KCNH8: variants seen among roughly 807,000 people sequenced by gnomAD.
KCNH8 encodes the protein voltage-gated delayed rectifier potassium channel KCNH8.
In KCNH8, 70 loss-of-function variants were observed where a neutral mutation model predicts 103.6. That is an observed-to-expected ratio of 0.68 (90% CI 0.56 to 0.82). The LOEUF (loss-of-function observed/expected upper bound fraction) is 0.82, where lower values mean the gene tolerates loss of function less well. Ranked by LOEUF, KCNH8 falls within the 40% of genes least tolerant of loss-of-function variation. The pLI is 0.00. For synonymous variants in KCNH8, 498 were observed against 489.4 expected, an observed-to-expected ratio of 1.02 and a Z score of -0.23; for missense variants, 1,217 against 1,329.9, an observed-to-expected ratio of 0.92 and a Z score of 1.32.
At chr3:19,388,695 C>A (rs920623326) in intron 5 of KCNH8, among the ~76,000 whole-genome samples, 2 of 152,024 alleles carry the variant, frequency 1.3e-5, no homozygotes, top group Non-Finnish European at 2.9e-5. Context: ...ACTAGAACAA[C>A]AATTGTTTTC....
chr3:19,159,577 C>A (rs2063214646), intron 1 of KCNH8, among the ~76,000 whole-genome samples: 1 of 151,996 alleles, frequency 6.6e-6, no homozygotes, highest in Non-Finnish European at 1.5e-5. Context: ...GTTGGCAGAT[C>A]TCCAGTTCTT....
At chr3:19,337,279 A>C (rs1216538311) in intron 3 of KCNH8, among the ~76,000 whole-genome samples, 1 of 152,126 alleles carries the variant, frequency 6.6e-6, no homozygotes. Context: ...AGTATTAAAA[A>C]AGAACCAAGA....
At chr3:19,526,845 G>A (rs554948822) in intron 15 of KCNH8, among the ~76,000 whole-genome samples, 16 of 152,008 alleles carry the variant, frequency 1.1e-4, no homozygotes, top group Admixed American at 3.3e-4. Flanking sequence ...ATAACAAAAA[G>A]TCATAAGAAA....
rs557858714 is a variant in KCNH8 at position 19,429,876 on chromosome 3, G to A, written c.1178-8288G>A. ...AAGATAATAGCCTCCAGCTCCATCC[G>A]TGTTCCCACAAGACTTGATCTTGTT... On this transcript the variant is annotated intron_variant, in intron 7 of 15. Coordinates refer to ENST00000328405, the MANE Select transcript of KCNH8 (RefSeq NM_144633.3). Among the ~76,000 whole-genome samples, 14 of 152,150 alleles carry A rather than the reference G, an allele frequency of 9.2e-5. No individual in the cohort carries two copies. The South Asian group carries it at 2.1e-3, about 23-fold the overall frequency.
intron 7 of KCNH8, among the ~76,000 whole-genome samples, chr3:19,432,019 A>AT (rs2125166730): frequency 1.6e-5 from 1 of 62,788 alleles, no homozygotes; most frequent in South Asian, 3.5e-4. Context: ...GATTTTTGTT[A>AT]TTTTTTAACT....
intron 3 of KCNH8, among the ~76,000 whole-genome samples, chr3:19,320,997 G>A (rs568735467): frequency 2.0e-5 from 3 of 151,904 alleles, no homozygotes; most frequent in Non-Finnish European, 4.4e-5. Flanking sequence ...AGCCTTGAAT[G>A]ATCTTTTGAA....
chr3:19,221,247 A>C (rs1029709177), intron 1 of KCNH8, among the ~76,000 whole-genome samples: 3 of 152,202 alleles, frequency 2.0e-5, no homozygotes, highest in Non-Finnish European at 4.4e-5. Flanking sequence ...AGATTACTTG[A>C]GATACCTGCT....
chr3:19,444,437 C>T (rs563278595), intron 8 of KCNH8, among the ~76,000 whole-genome samples: 1 of 152,006 alleles, frequency 6.6e-6, no homozygotes, highest in Non-Finnish European at 1.5e-5. Context: ...TTTATGACGT[C>T]TGATTTGGCA....
At chr3:19,205,593 G>C (rs940112485) in intron 1 of KCNH8, among the ~76,000 whole-genome samples, 6 of 151,966 alleles carry the variant, frequency 3.9e-5, no homozygotes, top group African/African-American at 1.4e-4. Flanking sequence ...CTAATTTTCT[G>C]ATAGAAACAT....
chr3:19,198,809 T>G (rs2063628138), intron 1 of KCNH8, among the ~76,000 whole-genome samples: 1 of 152,084 alleles, frequency 6.6e-6, no homozygotes, highest in Non-Finnish European at 1.5e-5. Flanking sequence ...TTGAATTCCA[T>G]TAAGTATGCC....
At chr3:19,239,585 A>G (rs2064109086) in intron 1 of KCNH8, among the ~76,000 whole-genome samples, 1 of 152,142 alleles carries the variant, frequency 6.6e-6, no homozygotes, top group South Asian at 2.1e-4. Flanking sequence ...GAAAAATTTT[A>G]GAAACTAGTC....
chr3:19,148,725 G>A lies in KCNH8; in HGVS notation c.6G>A (p.Pro2=), dbSNP rs759032618. 2 of 1,613,932 alleles carry A rather than the reference G, an allele frequency of 1.2e-6. No homozygotes were observed. The highest frequency in any genetic ancestry group is 1.7e-6 in the Non-Finnish European group (2 of 1,179,930). Residue 2 remains proline, a synonymous_variant, in exon 1 of 16, where the codon CCG becomes CCA. Coordinates refer to ENST00000328405, the MANE Select transcript of KCNH8 (RefSeq NM_144633.3). M[P]VMKGLLAPQN... Reference sequence around the variant, plus strand: ...TTTCACACCACGCTGGAAAAATGCCGGTTATGAAAGGATTACTGGCGCCGC... The same window carrying A: ...TTTCACACCACGCTGGAAAAATGCCAGTTATGAAAGGATTACTGGCGCCGC...
chr3:19,480,038 T>C (rs2068056561), intron 11 of KCNH8, among the ~76,000 whole-genome samples: 1 of 152,224 alleles, frequency 6.6e-6, no homozygotes, highest in African/African-American at 2.4e-5. Flanking sequence ...TGCTGGAGCA[T>C]TTAGTGTCTT....
chr3:19,418,980 C>T (rs977759508), intron 7 of KCNH8, among the ~76,000 whole-genome samples: 3 of 152,090 alleles, frequency 2.0e-5, no homozygotes, highest in African/African-American at 4.8e-5. Context: ...CACCGGAATA[C>T]ATTCCCCATA....
At chr3:19,437,060 T>C (rs1441497361) in intron 7 of KCNH8, among the ~76,000 whole-genome samples, 2 of 152,178 alleles carry the variant, frequency 1.3e-5, no homozygotes, top group Admixed American at 1.3e-4. Context: ...AGTTTTATCA[T>C]ATATAAGCTT....
At chr3:19,472,214 GTGT>G (rs1443624421) in intron 11 of KCNH8, among the ~76,000 whole-genome samples, 2 of 140,006 alleles carry the variant, frequency 1.4e-5, no homozygotes, top group Non-Finnish European at 3.0e-5. Context: ...GTGTGTGTGT[GTGT>G]GTGTGTGTGT....
intron 11 of KCNH8, among the ~76,000 whole-genome samples, chr3:19,484,467 T>C (rs1027727593): frequency 9.2e-5 from 14 of 152,238 alleles, no homozygotes; most frequent in Admixed American, 2.6e-4. Flanking sequence ...ATTCTCCTCA[T>C]GCTTCAGCCG....
At chr3:19,284,550 TGTGA>T (rs751323767) in intron 3 of KCNH8, among the ~76,000 whole-genome samples, 3,959 of 145,546 alleles carry the variant, frequency 0.027, 78 homozygotes, top group Middle Eastern at 0.048. Flanking sequence ...TGTGTGTGTG[TGTGA>T]GGGAGAGAGA....
chr3:19,171,933 G>A (rs997438758), intron 1 of KCNH8, among the ~76,000 whole-genome samples: 1 of 152,180 alleles, frequency 6.6e-6, no homozygotes, highest in Non-Finnish European at 1.5e-5. Context: ...ACTTGACGGT[G>A]TTTGCACTCA....
Sources: allele counts gnomAD v4.1 joint callset (sites outside exome capture counted in the v4.1 genomes callset), GRCh38; gene constraint gnomAD v4.1.1; transcripts MANE v1.5; gene names NCBI Gene and HGNC (gene_info 2026-07-23, HGNC 2026-07-21).